The following PCDHGA5 variants were observed in gnomAD, a reference collection of about 807,000 sequenced individuals.
PCDHGA5 encodes protocadherin gamma-A5.
A neutral mutation model predicts 56.7 loss-of-function variants in PCDHGA5; 36 were observed. The observed-to-expected ratio is 0.64, with a 90% CI of 0.49 to 0.84. PCDHGA5 has a LOEUF of 0.84. Ranked by LOEUF, PCDHGA5 falls within the 40% of genes least tolerant of loss-of-function variation. The pLI, the probability that PCDHGA5 is intolerant of heterozygous loss-of-function variation, is 0.00. For missense variants in PCDHGA5, 1,305 were observed against 1,201.5 expected (o/e 1.09, Z -1.27); for synonymous variants, 563 against 520.2 (o/e 1.08, Z -1.12).
At chr5:141,426,048 A>G (rs2096911760) in intron 1 of PCDHGA5, among the ~76,000 whole-genome samples, 1 of 152,182 alleles carries the variant, frequency 6.6e-6, no homozygotes, top group Non-Finnish European at 1.5e-5. Context: ...CTGTTGGCCA[A>G]TGTGCTGCAA....
At chr5:141,453,964 C>T (rs2098778500) in intron 1 of PCDHGA5, among the ~76,000 whole-genome samples, 1 of 152,296 alleles carries the variant, frequency 6.6e-6, no homozygotes, top group Non-Finnish European at 1.5e-5. Context: ...GACAGCAAAG[C>T]ATGTAGTTGT....
chr5:141,460,470 A>T (rs2098990057), intron 1 of PCDHGA5, among the ~76,000 whole-genome samples: 1 of 152,110 alleles, frequency 6.6e-6, no homozygotes, highest in South Asian at 2.1e-4. Flanking sequence ...TTTCCAAAGG[A>T]ATATCCAATT....
chr5:141,383,826 T>G, intron 1 of PCDHGA5: 1 of 1,613,966 alleles, frequency 6.2e-7, no homozygotes, highest in Non-Finnish European at 8.5e-7. Flanking sequence ...GATTAGATTA[T>G]GAAGAAACTG....
intron 1 of PCDHGA5, chr5:141,414,590 G>A: frequency 6.2e-7 from 1 of 1,613,936 alleles, no homozygotes; most frequent in Non-Finnish European, 8.5e-7. Flanking sequence ...AACGCCAGGG[G>A]TGCCTCCATC....
intron 1 of PCDHGA5, chr5:141,395,524 T>A: frequency 2.5e-6 from 1 of 392,376 alleles, no homozygotes; most frequent in Non-Finnish European, 4.5e-6. Flanking sequence ...CCGTCCATAC[T>A]GGTAATTTTG....
chr5:141,378,459 G>T (rs1022046466), intron 1 of PCDHGA5: 5 of 152,250 alleles, frequency 3.3e-5, no homozygotes, highest in Admixed American at 6.5e-5. Context: ...TGAGGCAGAG[G>T]TTGCAGTGAG....
At chr5:141,390,922 A>G (rs935110449) in intron 1 of PCDHGA5, 8 of 152,482 alleles carry the variant, frequency 5.2e-5, no homozygotes, top group Non-Finnish European at 1.0e-4. Context: ...AAGGTCTACT[A>G]TGCTCATTAG....
At chr5:141,383,367 G>C in intron 1 of PCDHGA5, 2 of 1,614,030 alleles carry the variant, frequency 1.2e-6, no homozygotes, top group Non-Finnish European at 1.7e-6. Context: ...CGTTAAGCGA[G>C]GCTGGGGATC....
intron 1 of PCDHGA5, among the ~76,000 whole-genome samples, chr5:141,479,789 T>C (rs888217885): frequency 3.3e-5 from 5 of 152,196 alleles, no homozygotes; most frequent in Non-Finnish European, 2.9e-5. Flanking sequence ...AAAGCATTCA[T>C]TAATTCAGGG....
intron 1 of PCDHGA5, among the ~76,000 whole-genome samples, chr5:141,382,119 C>T (rs919282723): frequency 2.0e-5 from 3 of 152,112 alleles, no homozygotes; most frequent in Non-Finnish European, 4.4e-5. Flanking sequence ...TGAGCAACAG[C>T]ACCTGGCCCC....
Position 141,485,486 on chromosome 5 carries a change from C to T in PCDHGA5, c.2422-9321C>T, listed in dbSNP as rs2099614522. 6 of 1,614,102 alleles carry T rather than the reference C, an allele frequency of 3.7e-6. No individual in the cohort carries two copies. The highest frequency in any genetic ancestry group is 2.2e-5 in the East Asian group (1 of 44,866). The stretch of plus-strand genomic sequence containing the variant: ...TGGGCTCAGTGCCAGCTGCATCGTG[C>T]CCCTGGAGTTTGTCACCGAAGGTCC... On this transcript the variant is annotated intron_variant, in intron 1 of 3. Coordinates refer to ENST00000518069, the MANE Select transcript of PCDHGA5 (RefSeq NM_018918.3). This position sits in a 1 kb window ranked among gnomAD's most constrained non-coding sequence, Gnocchi z 5.7.
At chr5:141,416,674 G>A (rs547618174) in intron 1 of PCDHGA5, 1 of 152,250 alleles carries the variant, frequency 6.6e-6, no homozygotes, top group South Asian at 2.1e-4. Flanking sequence ...TATATGCAAC[G>A]AAGGGAAATT....
intron 1 of PCDHGA5, among the ~76,000 whole-genome samples, chr5:141,450,976 C>T (rs2098702750): frequency 6.6e-6 from 1 of 152,032 alleles, no homozygotes; most frequent in Admixed American, 6.6e-5. Flanking sequence ...AGGCATGTGC[C>T]ACCACACCCG....
intron 1 of PCDHGA5, among the ~76,000 whole-genome samples, chr5:141,435,225 A>G (rs919735003): frequency 5.9e-5 from 9 of 152,188 alleles, no homozygotes; most frequent in Non-Finnish European, 1.2e-4. Context: ...CTTTCTTTCA[A>G]AGTTCAGTAA....
Position 141,491,415 on chromosome 5 carries a change from G to GGGT in PCDHGA5, c.2422-3389_2422-3387dup. 1 of 1,614,126 alleles carries GGGT rather than the reference G, an allele frequency of 6.2e-7. No individual in the cohort carries two copies. Among genetic ancestry groups the GGGT allele is most frequent in the Non-Finnish European group, 8.5e-7 (1 of 1,180,034 alleles). ...TTCAGGGAAACGCAGACGGGGACGG[G>GGGT]GGTGGAGGGCAGTGCTGCAGGCGCC... On this transcript the variant is annotated intron_variant, in intron 1 of 3. Transcript: ENST00000518069. The surrounding 1 kb of genome is among the most constrained non-coding windows in gnomAD (Gnocchi z 6.9).
chr5:141,445,786 C>A (rs1189294394), intron 1 of PCDHGA5, among the ~76,000 whole-genome samples: 2 of 152,018 alleles, frequency 1.3e-5, no homozygotes, highest in Non-Finnish European at 2.9e-5. Flanking sequence ...GCTAGGGAGG[C>A]TAGAAACAGA....
chr5:141,427,704 G>C (rs2097059746), intron 1 of PCDHGA5: 2 of 966,116 alleles, frequency 2.1e-6, no homozygotes, highest in Non-Finnish European at 3.2e-6. Context: ...ACAAGTCAGC[G>C]CCTCTGACCT....
chr5:141,371,696 C>G lies in PCDHGA5; in HGVS notation c.2421+4945C>G, dbSNP rs746156642. 4.3e-6 allele frequency: 7 copies of G among 1,614,058 alleles called. 1 individual carries two copies. The South Asian group carries it at 7.7e-5, about 18-fold the overall frequency. On this transcript the variant is annotated intron_variant, in intron 1 of 3. Transcript: ENST00000518069. ...ACAAAGGCAATCCACCGCTCTCCTCCAGCAAGACCATCACTCTGCACATCC... is the reference window on the plus strand; with the variant it reads ...ACAAAGGCAATCCACCGCTCTCCTCGAGCAAGACCATCACTCTGCACATCC...
chr5:141,445,890 T>C (rs1435563284), intron 1 of PCDHGA5, among the ~76,000 whole-genome samples: 1 of 152,210 alleles, frequency 6.6e-6, no homozygotes, highest in Non-Finnish European at 1.5e-5. Context: ...ACTTAGGAGC[T>C]ATTAAAATAT....
Sources: gnomAD v4.1 joint callset for allele counts (sites outside exome capture counted in the v4.1 genomes callset) on GRCh38, gnomAD v4.1.1 for gene constraint, Gnocchi (gnomAD v3.1) non-coding constraint, MANE v1.5 for transcripts, NCBI Gene and HGNC (gene_info 2026-07-23, HGNC 2026-07-21) for gene names.